Variants in ASIC2 observed in about 807,000 individuals in gnomAD.
The protein encoded by ASIC2 is acid sensing ion channel subunit 2.
In ASIC2, 25 loss-of-function variants were observed where a neutral mutation model predicts 57.3. That is an observed-to-expected ratio of 0.44 (90% CI 0.32 to 0.61). ASIC2 has a LOEUF of 0.61. Ranked by LOEUF, ASIC2 falls within the 20% of genes least tolerant of loss-of-function variation. The pLI is 0.06. For missense variants in ASIC2, 641 were observed against 738.1 expected (o/e 0.87, Z 1.52); for synonymous variants, 319 against 307.5 (o/e 1.04, Z -0.39).
chr17:34,146,375 A>G (rs376512275), intron 1 of ASIC2, among the ~76,000 whole-genome samples: 2 of 152,164 alleles, frequency 1.3e-5, no homozygotes, highest in East Asian at 1.9e-4. Flanking sequence ...ATCAATACAC[A>G]GGTTGGGTTC....
intron 1 of ASIC2, among the ~76,000 whole-genome samples, chr17:33,557,472 C>T (rs1338533616): frequency 1.3e-5 from 2 of 151,972 alleles, no homozygotes; most frequent in African/African-American, 4.8e-5. Context: ...ATGGTCTAGG[C>T]GTGTAAGTAG....
At chr17:33,345,581 CAG>C (rs1487610667) in intron 1 of ASIC2, among the ~76,000 whole-genome samples, 11 of 152,144 alleles carry the variant, frequency 7.2e-5, no homozygotes, top group African/African-American at 2.4e-5. Flanking sequence ...AAATCCCAAA[CAG>C]AGAGAAAATC....
intron 5 of ASIC2, among the ~76,000 whole-genome samples, chr17:33,024,997 T>C (rs146473628): frequency 0.014 from 2,113 of 152,226 alleles, 60 homozygotes; most frequent in African/African-American, 0.044. Flanking sequence ...CCCTCCCTTT[T>C]TCCTCTAGCC....
intron 1 of ASIC2, among the ~76,000 whole-genome samples, chr17:33,252,755 C>T (rs891663770): frequency 2.6e-5 from 4 of 152,082 alleles, no homozygotes; most frequent in Admixed American, 6.6e-5. Context: ...TACGCCTTTG[C>T]CCAGCATCTT....
chr17:33,013,830 A>G lies in ASIC2; in HGVS notation c.*135T>C, dbSNP rs1349772367. On this transcript the variant is annotated 3_prime_UTR_variant, in exon 10 of 10. Transcript: ENST00000225823. ...TGGCCGGAGCGAGGTCTAGGCAGCT[A>G]GTCTGCAATGTGTGCATAGGGGGCT... 1.3e-6 allele frequency: 1 copy of G among 766,038 alleles called. No individual in the cohort carries two copies. The highest frequency in any genetic ancestry group is 2.2e-6 in the Non-Finnish European group (1 of 454,492). The allele number at this position is 766,038 out of a possible 1,614,324, so 47.5% of individuals were successfully genotyped here. A position where few individuals can be genotyped will look rare whatever the true frequency, so the allele number is the denominator to read the frequency against.
intron 3 of ASIC2, among the ~76,000 whole-genome samples, chr17:33,046,866 C>A (rs888987135): frequency 2.6e-4 from 40 of 152,214 alleles, no homozygotes; most frequent in African/African-American, 9.4e-4. Context: ...GGAGGCCGGG[C>A]AGAGTCGTCA....
intron 1 of ASIC2, among the ~76,000 whole-genome samples, chr17:33,618,045 T>G (rs1905662338): frequency 6.6e-6 from 1 of 152,084 alleles, no homozygotes; most frequent in African/African-American, 2.4e-5. Context: ...TCTAGTAGAC[T>G]CCTTCTCAGA....
Position 33,566,600 on chromosome 17 carries a change from T to C in ASIC2, c.556-454533A>G, listed in dbSNP as rs557301552. Reference sequence around the variant, plus strand: ...GCATGGGCAGCTGGATGTGCTATAGTATATTCCCCCTTACAGCAGAACAGT... The same window carrying C: ...GCATGGGCAGCTGGATGTGCTATAGCATATTCCCCCTTACAGCAGAACAGT... On this transcript the variant is annotated intron_variant, in intron 1 of 9. Coordinates refer to the ASIC2 transcript ENST00000359872. Among the ~76,000 whole-genome samples the C allele has an allele frequency of 3.3e-5, 5 of 152,222 alleles. No homozygotes were observed. In the South Asian group the frequency reaches 1.0e-3, roughly 32 times the overall value.
intron 1 of ASIC2, among the ~76,000 whole-genome samples, chr17:33,175,270 C>T (rs1905704549): frequency 6.6e-6 from 1 of 152,150 alleles, no homozygotes. Context: ...TTTTCAACCC[C>T]AAGTTTGATC....
At chr17:34,125,608 T>C (rs1486891640) in intron 1 of ASIC2, among the ~76,000 whole-genome samples, 1 of 152,196 alleles carries the variant, frequency 6.6e-6, no homozygotes, top group Non-Finnish European at 1.5e-5. Context: ...CTACCATCTC[T>C]GGGCTGGAGC....
intron 1 of ASIC2, among the ~76,000 whole-genome samples, chr17:33,228,755 A>G (rs1015085372): frequency 2.0e-5 from 3 of 152,174 alleles, no homozygotes; most frequent in African/African-American, 7.2e-5. Context: ...CACTTCCACT[A>G]TCCTTCCCTG....
chr17:33,837,169 CT>C (rs943027041), intron 1 of ASIC2, among the ~76,000 whole-genome samples: 38 of 152,274 alleles, frequency 2.5e-4, no homozygotes, highest in Admixed American at 1.4e-3. Context: ...GTTTTCGTCT[CT>C]CCTTAGGTCT....
At chr17:34,136,642 C>T (rs1265676313) in intron 1 of ASIC2, among the ~76,000 whole-genome samples, 1 of 152,200 alleles carries the variant, frequency 6.6e-6, no homozygotes, top group Non-Finnish European at 1.5e-5. Context: ...GTGTTACTTA[C>T]ATTATTGATT....
intron 1 of ASIC2, among the ~76,000 whole-genome samples, chr17:33,922,952 G>A (rs1032458835): frequency 1.3e-5 from 2 of 152,180 alleles, no homozygotes; most frequent in African/African-American, 4.8e-5. Flanking sequence ...GTCCTCTAGA[G>A]CGCATTTGCT....
chr17:33,366,880 C>G (rs956008731), intron 1 of ASIC2, among the ~76,000 whole-genome samples: 1 of 152,200 alleles, frequency 6.6e-6, no homozygotes, highest in African/African-American at 2.4e-5. Flanking sequence ...TTTGTACACC[C>G]TGTTAATAAA....
chr17:34,037,244 A>G (rs548853195), intron 1 of ASIC2: 1 of 178,740 alleles, frequency 5.6e-6, no homozygotes, highest in Admixed American at 5.5e-5. Flanking sequence ...GGACTAGCCC[A>G]GTCTGTATTT....
intron 3 of ASIC2, among the ~76,000 whole-genome samples, chr17:33,038,400 G>A (rs1241276750): frequency 6.6e-6 from 1 of 152,214 alleles, no homozygotes; most frequent in Non-Finnish European, 1.5e-5. Flanking sequence ...AGACATCCAA[G>A]TCAAGATGTT....
intron 1 of ASIC2, among the ~76,000 whole-genome samples, chr17:33,339,477 T>C (rs1459511799): frequency 1.3e-5 from 2 of 152,220 alleles, no homozygotes; most frequent in Non-Finnish European, 2.9e-5. Flanking sequence ...CTGTGGATCA[T>C]AGGTTGCCAA....
intron 1 of ASIC2, among the ~76,000 whole-genome samples, chr17:33,970,709 T>C (rs972158556): frequency 3.3e-5 from 5 of 152,188 alleles, no homozygotes; most frequent in African/African-American, 1.2e-4. Flanking sequence ...TCATTGAGGC[T>C]ATGCAATTAT....
Sources: gnomAD v4.1 joint callset for allele counts (sites outside exome capture counted in the v4.1 genomes callset) on GRCh38, gnomAD v4.1.1 for gene constraint, MANE v1.5 for transcripts, NCBI Gene and HGNC (gene_info 2026-07-23, HGNC 2026-07-21) for gene names.